Variants in NPAP1 observed in about 807,000 individuals in gnomAD.
The protein encoded by NPAP1 is nuclear pore-associated protein 1.
For missense variants in NPAP1, 1,483 were observed against 1,454.5 expected (o/e 1.02, Z -0.32); for synonymous variants, 616 against 581.4 (o/e 1.06, Z -0.86).
In NPAP1 at chr15:24,677,459, C is replaced by T. The variant is rs753678280; in HGVS notation, c.1592C>T (p.Thr531Ile). The change falls in exon 1 of 1, where the codon ACT (threonine) becomes ATT (isoleucine). Residue 531 changes from threonine (T) to isoleucine (I), a missense_variant. Thr to Ile is a moderately conservative substitution (Grantham distance 89). Coordinates refer to ENST00000329468, the MANE Select transcript of NPAP1 (RefSeq NM_018958.3). ...TCCCCTCCTCCTCTTTCCTTCCTGA[C>T]TCTTCTTCCAGTCCCTTCCACCGGG... ...VDSPPPLSFLTLLPVPSTGTS... is the reference protein window; with the variant it reads ...VDSPPPLSFLILLPVPSTGTS... The T allele has an allele frequency of 1.2e-6, 2 of 1,614,164 alleles. No homozygotes were observed. Among genetic ancestry groups the T allele is most frequent in the Non-Finnish European group, 1.7e-6 (2 of 1,180,034 alleles).
rs764917530 is a variant in NPAP1, at chr15:24,678,451, C to A, written c.2584C>A (p.His862Asn). 5.6e-6 allele frequency: 9 copies of A among 1,614,090 alleles called. No homozygotes were observed. The highest frequency in any genetic ancestry group is 1.3e-5 in the African/African-American group (1 of 74,920). ...GCTTCCTGGTTCTGGGAACACACTACACAGTGACAGCATTGCCTCAGCCCA... is the reference window on the plus strand; with the variant it reads ...GCTTCCTGGTTCTGGGAACACACTAAACAGTGACAGCATTGCCTCAGCCCA... ...MGLPGSGNTL[H>N]SDSIASAQVS... The change falls in exon 1 of 1, where the codon CAC becomes AAC. Residue 862 changes from histidine to asparagine, a missense_variant. Physicochemically the swap from His to Asn is moderately conservative, Grantham distance 68 (BLOSUM62 1). Transcript: ENST00000329468.
At position 24,675,825 on chromosome 15, in the gene NPAP1, A is replaced by G. The variant is rs1179072456; in HGVS notation, c.-43A>G. 1 of 1,367,466 alleles carries G rather than the reference A, an allele frequency of 7.3e-7. No individual in the cohort carries two copies. Among genetic ancestry groups the G allele is most frequent in the Admixed American group, 2.8e-5 (1 of 35,638 alleles). The allele number at this position is 1,367,466 out of a possible 1,614,324, so 84.7% of individuals were successfully genotyped here. On this transcript the variant is annotated 5_prime_UTR_variant, in exon 1 of 1. Transcript: ENST00000329468. ...GCGGTGGCTGAGGAGAGTTGAGTCC[A>G]CTGCTGACCCTGTTTTACGGTAGGA... is the stretch of plus-strand genomic sequence containing the variant.
chr15:24,682,540 A>G lies in NPAP1; in HGVS notation c.*3202A>G, dbSNP rs373577141. 3.7e-3 allele frequency: 611 copies of G among 167,156 alleles called. 3 individuals are homozygous for G. The highest frequency in any genetic ancestry group is 6.7e-3 in the Non-Finnish European group (453 of 68,110). 10.4% of individuals were successfully genotyped at this position (167,156 alleles called of 1,614,324 possible). A position where few individuals can be genotyped will look rare whatever the true frequency, so the allele number is the denominator to read the frequency against. On this transcript the variant is annotated 3_prime_UTR_variant, in exon 1 of 1. Coordinates refer to ENST00000329468, the MANE Select transcript of NPAP1 (RefSeq NM_018958.3). The stretch of plus-strand genomic sequence containing the variant: ...TATTTTTTATTAAGATAAAAAGCAA[A>G]CATAATATCAATTTAAATAATACTG...
At position 24,676,699 on chromosome 15, in the gene NPAP1, G is replaced by A. The variant is rs2048978428; in HGVS notation, c.832G>A (p.Ala278Thr). Residue 278 changes from alanine to threonine, a missense_variant, in exon 1 of 1, where the codon GCG becomes ACG. Coordinates refer to ENST00000329468, the MANE Select transcript of NPAP1 (RefSeq NM_018958.3). ...GCSLLQQKLAAEVLNEEPPPS... is the reference protein window; with the variant it reads ...GCSLLQQKLATEVLNEEPPPS... ...CTCCCTGCTGCAGCAGAAGTTGGCTGCGGAAGTGCTGAATGAAGAGCCACC... is the reference window on the plus strand; with the variant it reads ...CTCCCTGCTGCAGCAGAAGTTGGCTACGGAAGTGCTGAATGAAGAGCCACC... 1.9e-6 allele frequency: 3 copies of A among 1,613,954 alleles called. No homozygotes were observed. The highest frequency in any genetic ancestry group is 2.5e-6 in the Non-Finnish European group (3 of 1,180,054).
Position 24,678,574 on chromosome 15 carries a change from G to A in NPAP1, c.2707G>A (p.Ala903Thr), listed in dbSNP as rs2141312926. The A allele has an allele frequency of 6.2e-7, 1 of 1,614,004 alleles. No individual in the cohort carries two copies. The highest frequency in any genetic ancestry group is 8.5e-7 in the Non-Finnish European group (1 of 1,180,040). The part of the protein sequence containing the change: ...TGSISHSTLG[A>T]TDGQQKSDSS... ...ATCCATCTCTCATTCCACACTTGGG[G>A]CCACTGATGGGCAGCAGAAGTCTGA... is the stretch of plus-strand genomic sequence containing the variant. The change falls in exon 1 of 1, where the codon GCC (alanine) becomes ACC (threonine). Residue 903 changes from alanine to threonine, a missense_variant. By Grantham distance (58) the Ala-to-Thr change is moderately conservative. Transcript: ENST00000329468.
chr15:24,675,823 C>A lies in NPAP1; in HGVS notation c.-45C>A. ...AGGCGGTGGCTGAGGAGAGTTGAGT[C>A]CACTGCTGACCCTGTTTTACGGTAG... is the stretch of plus-strand genomic sequence containing the variant. On this transcript the variant is annotated 5_prime_UTR_variant, in exon 1 of 1. Coordinates refer to ENST00000329468, the MANE Select transcript of NPAP1 (RefSeq NM_018958.3). The A allele has an allele frequency of 2.2e-6, 3 of 1,340,688 alleles. No homozygotes were observed. The highest frequency in any genetic ancestry group is 3.0e-6 in the Non-Finnish European group (3 of 1,004,146). 83.0% of individuals were successfully genotyped at this position (1,340,688 alleles called of 1,614,324 possible). A position where few individuals can be genotyped will look rare whatever the true frequency, so the allele number is the denominator to read the frequency against.
At position 24,677,120 on chromosome 15, in the gene NPAP1, C is replaced by A. The variant is rs79793925; in HGVS notation, c.1253C>A (p.Ser418Tyr). 5.6e-6 allele frequency: 9 copies of A among 1,614,138 alleles called. No individual in the cohort carries two copies. Among genetic ancestry groups the A allele is most frequent in the Non-Finnish European group, 7.6e-6 (9 of 1,180,038 alleles). The change falls in exon 1 of 1, where the codon TCC becomes TAC. Residue 418 changes from serine (S) to tyrosine (Y), a missense_variant. By Grantham distance (144) the Ser-to-Tyr change is moderately radical. Transcript: ENST00000329468. Reference protein sequence around the residue: ...TDSLPLTTYTSQVSAPLPIPD... With the variant: ...TDSLPLTTYTYQVSAPLPIPD... ...TCCCTGCCCCTGACCACTTACACTTCCCAGGTCTCAGCTCCTTTGCCCATC... is the reference window on the plus strand; with the variant it reads ...TCCCTGCCCCTGACCACTTACACTTACCAGGTCTCAGCTCCTTTGCCCATC...
In NPAP1 at chr15:24,682,856, G is replaced by A. The variant is rs2049026187; in HGVS notation, c.*3518G>A. On this transcript the variant is annotated 3_prime_UTR_variant, in exon 1 of 1. Transcript: ENST00000329468. ...TCCTCCACTGGTTTGGGAGTGGTAA[G>A]ACCAAAGTAAATGTAAAAAGTAAAG... is the stretch of plus-strand genomic sequence containing the variant. 1 of 167,038 alleles carries A rather than the reference G, an allele frequency of 6.0e-6. No individual in the cohort carries two copies. The highest frequency in any genetic ancestry group is 1.5e-5 in the Non-Finnish European group (1 of 68,114). The allele number at this position is 167,038 out of a possible 1,614,324, so 10.3% of individuals were successfully genotyped here.
Position 24,676,831 on chromosome 15 carries a change from C to T in NPAP1, c.964C>T (p.Arg322Cys), listed in dbSNP as rs144589407. Residue 322 changes from arginine (R) to cysteine (C), a missense_variant, in exon 1 of 1, where the codon CGC (arginine) becomes TGC (cysteine). Arg to Cys is a radical substitution (Grantham distance 180). Transcript: ENST00000329468. The stretch of plus-strand genomic sequence containing the variant: ...GAGCGCTGCTCCTCCCAGAGCTGCC[C>T]GCAACAGGCCCTGCAAAAGGAAAAT... ...PRSAAPPRAA[R>C]NRPCKRKMSI... The T allele has an allele frequency of 1.4e-5, 23 of 1,612,928 alleles. No individual in the cohort carries two copies. The African/African-American group carries it at 2.8e-4, about 20-fold the overall frequency.
chr15:24,678,306 A>G lies in NPAP1; in HGVS notation c.2439A>G (p.Ala813=). ...CTTTAGTGAGCAGTGCCTCTGCAGC[A>G]TCGTTATCCAAGCCTGCCATTGACA... The part of the protein sequence containing the change: ...TSTLVSSASA[A]SLSKPAIDTS... Residue 813 remains alanine, a synonymous_variant, in exon 1 of 1, where the codon GCA becomes GCG. Transcript: ENST00000329468. The G allele has an allele frequency of 1.2e-6, 2 of 1,614,014 alleles. No individual in the cohort carries two copies. Among genetic ancestry groups the G allele is most frequent in the Non-Finnish European group, 1.7e-6 (2 of 1,180,004 alleles).
rs760434738 is a variant in NPAP1, at chr15:24,678,309, G to A, written c.2442G>A (p.Ser814=). 27 of 1,613,460 alleles carry A rather than the reference G, an allele frequency of 1.7e-5. No homozygotes were observed. The highest frequency in any genetic ancestry group is 8.9e-5 in the East Asian group (4 of 44,796). ...TAGTGAGCAGTGCCTCTGCAGCATC[G>A]TTATCCAAGCCTGCCATTGACACCA... is the stretch of plus-strand genomic sequence containing the variant. ...STLVSSASAA[S]LSKPAIDTSD... is the part of the protein sequence containing the mutation. Residue 814 remains serine (S), a synonymous_variant, in exon 1 of 1, where the codon TCG becomes TCA. Transcript: ENST00000329468.
rs1222867810 is a variant in NPAP1, at chr15:24,676,946, T to G, written c.1079T>G (p.Leu360Arg). 6.2e-7 allele frequency: 1 copy of G among 1,603,176 alleles called. No individual in the cohort carries two copies. Among genetic ancestry groups the G allele is most frequent in the Non-Finnish European group, 8.5e-7 (1 of 1,175,108 alleles). ...ELPPPAKLPC[L>R]SVEGDLHTLE... Reference sequence around the variant, plus strand: ...CCCCCACCTGCTAAGCTCCCCTGCCTGTCTGTTGAGGGAGACCTACACACC... The same window carrying G: ...CCCCCACCTGCTAAGCTCCCCTGCCGGTCTGTTGAGGGAGACCTACACACC... Residue 360 changes from leucine (L) to arginine (R), a missense_variant, in exon 1 of 1, where the codon CTG becomes CGG. Coordinates refer to ENST00000329468, the MANE Select transcript of NPAP1 (RefSeq NM_018958.3).
In NPAP1 at chr15:24,678,384, C is replaced by G; in HGVS notation, c.2517C>G (p.Thr839=). 1.2e-6 allele frequency: 2 copies of G among 1,613,962 alleles called. No individual in the cohort carries two copies. Among genetic ancestry groups the G allele is most frequent in the Non-Finnish European group, 1.7e-6 (2 of 1,180,006 alleles). ...PPSKTVILQS[T]FVSRKEEYIR... ...CCAAAACTGTCATCTTGCAGTCTAC[C>G]TTTGTCTCCAGGAAGGAGGAGTACA... The change falls in exon 1 of 1, where the codon ACC becomes ACG. Residue 839 remains threonine, a synonymous_variant. Transcript: ENST00000329468.
rs1454960152 is a variant in NPAP1 at position 24,678,085 on chromosome 15, G to T, written c.2218G>T (p.Ala740Ser). ...GAACACACAACCCAGCGGCAACACT[G>T]CCTCAGTCCAAGGCTCCACCAGTTT... ...SGNTQPSGNT[A>S]SVQGSTSLPA... Residue 740 changes from alanine to serine, a missense_variant, in exon 1 of 1, where the codon GCC becomes TCC. Coordinates refer to ENST00000329468, the MANE Select transcript of NPAP1 (RefSeq NM_018958.3). The T allele has an allele frequency of 1.2e-6, 2 of 1,613,712 alleles. No homozygotes were observed. The highest frequency in any genetic ancestry group is 1.7e-6 in the Non-Finnish European group (2 of 1,179,990).
chr15:24,676,333 G>C lies in NPAP1; in HGVS notation c.466G>C (p.Gly156Arg), dbSNP rs1246480613. 3.3e-6 allele frequency: 5 copies of C among 1,525,620 alleles called. No individual in the cohort carries two copies. The highest frequency in any genetic ancestry group is 4.5e-5 in the East Asian group (2 of 44,194). 94.5% of individuals were successfully genotyped at this position (1,525,620 alleles called of 1,614,324 possible). A position where few individuals can be genotyped will look rare whatever the true frequency, so the allele number is the denominator to read the frequency against. Reference sequence around the variant, plus strand: ...GGAGACCGAGGTGTGGGCCCAAGAAGGGCCCAGAAGAGTGAAGAAGGATGA... The same window carrying C: ...GGAGACCGAGGTGTGGGCCCAAGAACGGCCCAGAAGAGTGAAGAAGGATGA... ...LEETEVWAQE[G>R]PRRVKKDEDP... Residue 156 changes from glycine to arginine, a missense_variant, in exon 1 of 1, where the codon GGG (glycine) becomes CGG (arginine). Gly to Arg is a moderately radical substitution (Grantham distance 125, BLOSUM62 -2). Coordinates refer to ENST00000329468, the MANE Select transcript of NPAP1 (RefSeq NM_018958.3).
In NPAP1 at chr15:24,679,647, C is replaced by T. The variant is rs111736221; in HGVS notation, c.*309C>T. On this transcript the variant is annotated 3_prime_UTR_variant, in exon 1 of 1. Transcript: ENST00000329468. ...GTACCTAGGGCCCACCTGGACAAAA[C>T]ACAGATGGTACCTCTTCCAGGAGTG... 560 of 357,570 alleles carry T rather than the reference C, an allele frequency of 1.6e-3. 1 individual carries two copies. Among genetic ancestry groups the T allele is most frequent in the Admixed American group, 3.3e-3 (73 of 22,340 alleles). The allele number at this position is 357,570 out of a possible 1,614,324, so 22.1% of individuals were successfully genotyped here.
chr15:24,682,897 A>G lies in NPAP1; in HGVS notation c.*3559A>G, dbSNP rs2049026433. 1 of 167,114 alleles carries G rather than the reference A, an allele frequency of 6.0e-6. No homozygotes were observed. The highest frequency in any genetic ancestry group is 2.4e-5 in the African/African-American group (1 of 41,462). 10.4% of individuals were successfully genotyped at this position (167,114 alleles called of 1,614,324 possible). ...AAAAGTAAAGTAGAGGTTCCTCTTCAAAGACTTTCCTCCCTATCTAATTAG... is the reference window on the plus strand; with the variant it reads ...AAAAGTAAAGTAGAGGTTCCTCTTCGAAGACTTTCCTCCCTATCTAATTAG... On this transcript the variant is annotated 3_prime_UTR_variant, in exon 1 of 1. Coordinates refer to ENST00000329468, the MANE Select transcript of NPAP1 (RefSeq NM_018958.3).
rs548552868 is a variant in NPAP1 at position 24,682,069 on chromosome 15, A to G, written c.*2731A>G. ...TATTAGCATAAAAGCACTTACTTTT[A>G]TGAAGCAAACACATGTAAAAATATG... On this transcript the variant is annotated 3_prime_UTR_variant, in exon 1 of 1. Coordinates refer to ENST00000329468, the MANE Select transcript of NPAP1 (RefSeq NM_018958.3). 1 of 167,110 alleles carries G rather than the reference A, an allele frequency of 6.0e-6. No homozygotes were observed. The highest frequency in any genetic ancestry group is 1.9e-4 in the East Asian group (1 of 5,164). 10.4% of individuals were successfully genotyped at this position (167,110 alleles called of 1,614,324 possible). A position where few individuals can be genotyped will look rare whatever the true frequency, so the allele number is the denominator to read the frequency against.
Position 24,677,824 on chromosome 15 carries a change from G to T in NPAP1, c.1957G>T (p.Asp653Tyr), listed in dbSNP as rs2141311219. Reference sequence around the variant, plus strand: ...CCCTCAGCCCAAATTTGAGGCTCCTGATGGGCAGCCGCAGAAAGCTTCTCT... The same window carrying T: ...CCCTCAGCCCAAATTTGAGGCTCCTTATGGGCAGCCGCAGAAAGCTTCTCT... ...ATPQPKFEAP[D>Y]GQPQKASLPS... The change falls in exon 1 of 1, where the codon GAT becomes TAT. Residue 653 changes from aspartate to tyrosine, a missense_variant. By Grantham distance (160) the Asp-to-Tyr change is radical. Coordinates refer to ENST00000329468, the MANE Select transcript of NPAP1 (RefSeq NM_018958.3). The T allele has an allele frequency of 5.6e-6, 9 of 1,614,022 alleles. No individual in the cohort carries two copies. Among genetic ancestry groups the T allele is most frequent in the Non-Finnish European group, 6.8e-6 (8 of 1,180,000 alleles).
Sources: gnomAD v4.1 joint callset for allele counts on GRCh38, gnomAD v4.1.1 for gene constraint, MANE v1.5 for transcripts, NCBI Gene and HGNC (gene_info 2026-07-23, HGNC 2026-07-21) for gene names.